Variants in TRIM5 observed in about 807,000 individuals in gnomAD.
TRIM5 encodes tripartite motif-containing protein 5.
Under a neutral mutation model 35.6 loss-of-function variants are expected in TRIM5, and 31 were observed. That is an observed-to-expected ratio of 0.87 (90% CI 0.65 to 1.18). The LOEUF is 1.18. Among genes scored for constraint, TRIM5 ranks in the 50% most tolerant of loss-of-function variants. The probability of loss-of-function intolerance (pLI) is 0.00; values close to 1 mark genes in which losing one functional copy is unlikely to be tolerated. For synonymous variants in TRIM5, 243 were observed against 215.6 expected (o/e 1.13, Z -1.11); for missense variants, 609 against 591.6 (o/e 1.03, Z -0.31).
the TRIM5 span, chr11:5,642,346 G>C: frequency 8.8e-6 from 13 of 1,478,166 alleles, no homozygotes; most frequent in African/African-American, 1.4e-5. Context: ...AACCAGTGAT[G>C]TGGGAGGGAT....
the TRIM5 span, among the ~76,000 whole-genome samples, chr11:5,651,096 T>C: frequency 3.3e-5 from 5 of 152,310 alleles, no homozygotes; most frequent in Admixed American, 2.6e-4. Flanking sequence ...ACATGTTGCC[T>C]CCAAAATCCA....
At chr11:5,661,628 CAG>C (rs1850829268), downstream of TRIM5, among the ~76,000 whole-genome samples, 1 of 152,134 alleles carries the variant, frequency 6.6e-6, no homozygotes, top group African/African-American at 2.4e-5. Context: ...AATTGTTACT[CAG>C]AGGTTCAGAA....
the TRIM5 span, among the ~76,000 whole-genome samples, chr11:5,620,759 T>G: frequency 6.6e-6 from 1 of 152,154 alleles, no homozygotes; most frequent in South Asian, 2.1e-4. Flanking sequence ...TCCTCCAGAT[T>G]AGCTTCTTCT....
At chr11:5,662,881 G>A (rs1331862921), downstream of TRIM5, among the ~76,000 whole-genome samples, 2 of 152,158 alleles carry the variant, frequency 1.3e-5, no homozygotes, top group Non-Finnish European at 2.9e-5. Flanking sequence ...TATAATCCTA[G>A]CACTTTGGGA....
At chr11:5,670,391 A>T (rs73402228) in intron 4 of TRIM5, among the ~76,000 whole-genome samples, 44,620 of 151,230 alleles carry the variant, frequency 0.3, 8,385 homozygotes, top group African/African-American at 0.53. Flanking sequence ...TTCACCGTGT[A>T]AGCCAGGATG....
chr11:5,674,617 G>A lies in TRIM5; in HGVS notation c.744+3587C>T, dbSNP rs1003961807. Among the ~76,000 whole-genome samples, 5 of 152,190 alleles carry A rather than the reference G, an allele frequency of 3.3e-5. 1 individual carries two copies. In the South Asian group the frequency reaches 6.2e-4, roughly 19 times the overall value. On this transcript the variant is annotated intron_variant, in intron 4 of 7. Transcript: ENST00000380034. Reference sequence around the variant, plus strand: ...GTATCTATGGATAAGCCTCCAGGCCGTATCTCACAGCCTAGGCTCTAGATC... The same window carrying A: ...GTATCTATGGATAAGCCTCCAGGCCATATCTCACAGCCTAGGCTCTAGATC...
At chr11:5,595,272 C>A in the TRIM5 span, 1 of 152,166 alleles carries the variant, frequency 6.6e-6, no homozygotes. Context: ...CATTCTTTTT[C>A]TTCTCAGAGT....
At position 5,664,321 on chromosome 11, in the gene TRIM5, T is replaced by A. The variant is rs1850966834; in HGVS notation, c.*488A>T. On this transcript the variant is annotated 3_prime_UTR_variant, in exon 8 of 8. Coordinates refer to ENST00000380034, the MANE Select transcript of TRIM5 (RefSeq NM_033034.3). ...AGGAGTTGAACTGAGATCCTCTAGA[T>A]ACAAAACCTCTATACTTAAGAGTAT... The A allele has an allele frequency of 1.0e-6, 1 of 987,048 alleles. No individual in the cohort carries two copies. 61.1% of individuals were successfully genotyped at this position (987,048 alleles called of 1,614,324 possible).
chr11:5,616,964 C>T, the TRIM5 span, among the ~76,000 whole-genome samples: 1 of 142,346 alleles, frequency 7.0e-6, no homozygotes, highest in Non-Finnish European at 1.5e-5. Context: ...CTCAAACTCT[C>T]AGCCTCAGGT....
At chr11:5,602,209 G>A in the TRIM5 span, among the ~76,000 whole-genome samples, 1 of 152,148 alleles carries the variant, frequency 6.6e-6, no homozygotes. Flanking sequence ...GGGAGGCCAA[G>A]GCGGGCGGAT....
At chr11:5,615,379 T>G in the TRIM5 span, among the ~76,000 whole-genome samples, 12 of 152,250 alleles carry the variant, frequency 7.9e-5, no homozygotes, top group Admixed American at 6.5e-4. Flanking sequence ...CTATTTCTCC[T>G]GCAATTCTAT....
At chr11:5,637,135 T>C in the TRIM5 span, among the ~76,000 whole-genome samples, 5 of 151,658 alleles carry the variant, frequency 3.3e-5, no homozygotes. Flanking sequence ...ATGGCGCCAC[T>C]GCACTCCAGC....
At chr11:5,666,322 C>A in intron 5 of TRIM5, 6 of 572,488 alleles carry the variant, frequency 1.0e-5, no homozygotes, top group Middle Eastern at 3.9e-4. Flanking sequence ...CAGTTTCTTC[C>A]TTCTAAAATG....
chr11:5,590,686 A>T, the TRIM5 span: 1 of 152,206 alleles, frequency 6.6e-6, no homozygotes, highest in Non-Finnish European at 1.5e-5. Context: ...GAATAAAAGC[A>T]GGCTGCCTGA....
chr11:5,665,655 C>T lies in TRIM5; in HGVS notation c.895+1G>A. On this transcript the variant is annotated splice_donor_variant, in intron 7 of 7. Transcript: ENST00000380034. LOFTEE classifies it high-confidence loss of function. Reference sequence around the variant, plus strand: ...CTTATGATAATGTGACTTCTCCTTACCCCAGTAGCGTCGGACATCTGTCAG... The same window carrying T: ...CTTATGATAATGTGACTTCTCCTTATCCCAGTAGCGTCGGACATCTGTCAG... The T allele has an allele frequency of 1.3e-6, 2 of 1,543,722 alleles. No individual in the cohort carries two copies. The highest frequency in any genetic ancestry group is 1.7e-6 in the Non-Finnish European group (2 of 1,155,598).
chr11:5,665,235 T>C lies in TRIM5; in HGVS notation c.1056A>G (p.Gln352=), dbSNP rs61744034. Residue 352 remains glutamine (Q), a synonymous_variant, in exon 8 of 8, where the codon CAA becomes CAG. Coordinates refer to ENST00000380034, the MANE Select transcript of TRIM5 (RefSeq NM_033034.3). ...FNYCTGILGS[Q]SITSGKHYWE... The stretch of plus-strand genomic sequence containing the variant: ...AGTAATGTTTCCCTGATGTGATACT[T>C]TGAGAGCCCAGGATGCCAGTACAAT... 20 of 1,614,220 alleles carry C rather than the reference T, an allele frequency of 1.2e-5. No homozygotes were observed. In the Middle Eastern group the frequency reaches 6.6e-4, roughly 53 times the overall value.
chr11:5,651,479 ATAAG>A, the TRIM5 span, among the ~76,000 whole-genome samples: 2 of 152,026 alleles, frequency 1.3e-5, no homozygotes, highest in Non-Finnish European at 2.9e-5. Context: ...GCTTCCACTT[ATAAG>A]TAAGAACATC....
At chr11:5,626,107 A>C in the TRIM5 span, among the ~76,000 whole-genome samples, 1 of 152,058 alleles carries the variant, frequency 6.6e-6, no homozygotes, top group African/African-American at 2.4e-5. Context: ...TCTCTGCCTT[A>C]CTCCTGGGTA....
At chr11:5,675,252 C>T (rs1318070562) in intron 4 of TRIM5, among the ~76,000 whole-genome samples, 1 of 152,054 alleles carries the variant, frequency 6.6e-6, no homozygotes, top group South Asian at 2.1e-4. Flanking sequence ...AAATATGCGG[C>T]CCCTTGTTCA....
Sources: allele counts gnomAD v4.1 joint callset (sites outside exome capture counted in the v4.1 genomes callset), GRCh38; gene constraint gnomAD v4.1.1; transcripts MANE v1.5; gene names NCBI Gene and HGNC (gene_info 2026-07-23, HGNC 2026-07-21).